Variants in ADARB2 observed in about 807,000 individuals in gnomAD.
ADARB2 encodes adenosine deaminase RNA specific B2 (inactive), also known as inactive double-stranded RNA-specific editase B2.
A neutral mutation model predicts 62.2 loss-of-function variants in ADARB2; 25 were observed. That is an observed-to-expected ratio of 0.40 (90% CI 0.29 to 0.56). The LOEUF (loss-of-function observed/expected upper bound fraction) is 0.56, where lower values mean the gene tolerates loss of function less well. ADARB2 is among the 20% of genes least tolerant of loss of function. The pLI is 0.43. For synonymous variants in ADARB2, 572 were observed against 500.8 expected (o/e 1.14, Z -1.90); for missense variants, 1,071 against 1,077.4 (o/e 0.99, Z 0.08).
chr10:1,522,705 C>T (rs989679929), intron 1 of ADARB2, among the ~76,000 whole-genome samples: 3 of 152,192 alleles, frequency 2.0e-5, no homozygotes, highest in Admixed American at 6.5e-5. Flanking sequence ...TTCCTTTGCC[C>T]GTTTATACGT....
At chr10:1,261,365 C>A (rs1831134421) in intron 4 of ADARB2, among the ~76,000 whole-genome samples, 1 of 147,646 alleles carries the variant, frequency 6.8e-6, no homozygotes, top group Non-Finnish European at 1.5e-5. Flanking sequence ...AGTGAACAGG[C>A]AACCTACAAA....
At chr10:1,639,541 C>T (rs776701307) in intron 1 of ADARB2, among the ~76,000 whole-genome samples, 42 of 152,184 alleles carry the variant, frequency 2.8e-4, no homozygotes, top group East Asian at 9.6e-4. Flanking sequence ...CATGACTTCC[C>T]GTTCTTATAA....
At chr10:1,436,854 A>G (rs10508209) in intron 1 of ADARB2, among the ~76,000 whole-genome samples, 10,420 of 152,272 alleles carry the variant, frequency 0.068, 522 homozygotes, top group East Asian at 0.21. Context: ...TCTCAAAGAC[A>G]TTATGCAGGA....
rs376198992 is a variant in ADARB2 at position 1,427,957 on chromosome 10, G to T, written c.101-48797C>A. Among the ~76,000 whole-genome samples the T allele has an allele frequency of 2.6e-5, 4 of 151,770 alleles. 1 individual carries two copies. Among genetic ancestry groups the T allele is most frequent in the African/African-American group, 9.7e-5 (4 of 41,372 alleles). ...CTGGGAATCATGCTGAATGAAAAAA[G>T]CCAGTCCCATTTTTTTTTTTTTTTT... is the stretch of plus-strand genomic sequence containing the variant. On this transcript the variant is annotated intron_variant, in intron 1 of 9. Transcript: ENST00000381312.
Position 1,398,346 on chromosome 10 carries a change from G to A in ADARB2, c.101-19186C>T, listed in dbSNP as rs896145685. The stretch of plus-strand genomic sequence containing the variant: ...CGCAGGAAGCTGCCCAGCACAGGCA[G>A]TGGCACTGACACGGGGTGAAAGACC... On this transcript the variant is annotated intron_variant, in intron 1 of 9. Transcript: ENST00000381312. This position sits in a 1 kb window ranked among gnomAD's most constrained non-coding sequence, Gnocchi z 4.1. Among the ~76,000 whole-genome samples, 1 of 152,272 alleles carries A rather than the reference G, an allele frequency of 6.6e-6. No individual in the cohort carries two copies. Among genetic ancestry groups the A allele is most frequent in the Admixed American group, 6.5e-5 (1 of 15,294 alleles).
rs565915745 is a variant in ADARB2 at position 1,505,690 on chromosome 10, C to T, written c.101-126530G>A. On this transcript the variant is annotated intron_variant, in intron 1 of 9. Transcript: ENST00000381312. The stretch of plus-strand genomic sequence containing the variant: ...CCCATGCCCGTGGTTCTGCCACTTC[C>T]GTCCCCACCGTGGCAGCCGCCTCCC... Among the ~76,000 whole-genome samples, 285 of 114,906 alleles carry T rather than the reference C, an allele frequency of 2.5e-3. 1 individual carries two copies. The highest frequency in any genetic ancestry group is 4.5e-3 in the Admixed American group (54 of 12,014). 75.4% of individuals were successfully genotyped at this position (114,906 alleles called of 152,430 possible). A position where few individuals can be genotyped will look rare whatever the true frequency, so the allele number is the denominator to read the frequency against.
intron 4 of ADARB2, among the ~76,000 whole-genome samples, chr10:1,256,926 A>G (rs528147778): frequency 7.9e-5 from 12 of 152,332 alleles, no homozygotes; most frequent in African/African-American, 2.2e-4. Flanking sequence ...GATGGCTGAC[A>G]AGGTCTCCTC....
At chr10:1,478,374 A>G (rs1831427693) in intron 1 of ADARB2, among the ~76,000 whole-genome samples, 1 of 151,970 alleles carries the variant, frequency 6.6e-6, no homozygotes, top group Admixed American at 6.5e-5. Flanking sequence ...AGTCATGAGA[A>G]TGCCTCTGTC....
chr10:1,253,457 T>A (rs1831052918), intron 4 of ADARB2, among the ~76,000 whole-genome samples: 1 of 152,200 alleles, frequency 6.6e-6, no homozygotes, highest in African/African-American at 2.4e-5. Context: ...AAATAACAAT[T>A]CCAGGATGAG....
chr10:1,663,642 CAG>C (rs1325651504), intron 1 of ADARB2, among the ~76,000 whole-genome samples: 1 of 150,276 alleles, frequency 6.7e-6, no homozygotes, highest in Non-Finnish European at 1.5e-5. Flanking sequence ...TTCTTTGAGA[CAG>C]AGTCTCGCTC....
chr10:1,584,817 T>G (rs186783866), intron 1 of ADARB2, among the ~76,000 whole-genome samples: 1 of 152,300 alleles, frequency 6.6e-6, no homozygotes, highest in Non-Finnish European at 1.5e-5. Flanking sequence ...GAAATGTAAG[T>G]GCATATTGCT....
chr10:1,229,496 T>C (rs764238256), intron 6 of ADARB2, among the ~76,000 whole-genome samples: 3 of 152,194 alleles, frequency 2.0e-5, no homozygotes, highest in Non-Finnish European at 4.4e-5. Flanking sequence ...CTATCATGAT[T>C]ATTTAAACCT....
chr10:1,313,803 T>C (rs1831713367), intron 3 of ADARB2, among the ~76,000 whole-genome samples: 1 of 152,222 alleles, frequency 6.6e-6, no homozygotes, highest in South Asian at 2.1e-4. Context: ...AGAAACATGC[T>C]TGCATCAACC....
chr10:1,476,950 C>T (rs2676184), intron 1 of ADARB2, among the ~76,000 whole-genome samples: 4,508 of 152,206 alleles, frequency 0.03, 229 homozygotes, highest in African/African-American at 0.1. Flanking sequence ...GACTTCCTTT[C>T]TTAACAATCA....
At chr10:1,488,738 G>T (rs1831583607) in intron 1 of ADARB2, among the ~76,000 whole-genome samples, 1 of 152,160 alleles carries the variant, frequency 6.6e-6, no homozygotes, top group African/African-American at 2.4e-5. Flanking sequence ...GTGAATTCTG[G>T]GCCTGCGCGA....
At chr10:1,534,042 G>GGAGA (rs143736259) in intron 1 of ADARB2, among the ~76,000 whole-genome samples, 2,855 of 148,160 alleles carry the variant, frequency 0.019, 102 homozygotes, top group African/African-American at 0.067. Flanking sequence ...AGGGAGGGAG[G>GGAGA]GAGAGAGAGA....
chr10:1,615,504 C>T (rs1273651840), intron 1 of ADARB2, among the ~76,000 whole-genome samples: 4 of 152,208 alleles, frequency 2.6e-5, no homozygotes, highest in African/African-American at 9.6e-5. Flanking sequence ...GGGCATTGTC[C>T]ACCCGGGAGA....
intron 1 of ADARB2, among the ~76,000 whole-genome samples, chr10:1,419,384 A>C (rs536825552): frequency 6.5e-4 from 99 of 152,322 alleles, no homozygotes; most frequent in Non-Finnish European, 1.1e-3. Flanking sequence ...CCAATTTAAT[A>C]TATAATTTTA....
rs565660211 is a variant in ADARB2 at position 1,489,023 on chromosome 10, G to A, written c.101-109863C>T. 2.0e-5 allele frequency among the ~76,000 whole-genome samples: 3 copies of A among 152,360 alleles called. No homozygotes were observed. The South Asian group carries it at 6.2e-4, about 32-fold the overall frequency. On this transcript the variant is annotated intron_variant, in intron 1 of 9. Coordinates refer to ENST00000381312, the MANE Select transcript of ADARB2 (RefSeq NM_018702.4). ...GCAGCTTCAGGGGGCACAGGCTCCT[G>A]GCCGGGTGCCAGCAAGCGCGACTGC...
Sources: gnomAD v4.1 joint callset for allele counts (sites outside exome capture counted in the v4.1 genomes callset) on GRCh38, gnomAD v4.1.1 for gene constraint, Gnocchi (gnomAD v3.1) non-coding constraint, MANE v1.5 for transcripts, NCBI Gene and HGNC (gene_info 2026-07-23, HGNC 2026-07-21) for gene names.